The following GJB7 variants were observed in gnomAD, a reference collection of about 807,000 sequenced individuals.
GJB7 encodes gap junction beta-7 protein.
For synonymous variants in GJB7, 87 were observed against 95.2 expected (o/e 0.91, Z 0.50); for missense variants, 253 against 256.8 (o/e 0.99, Z 0.10).
At chr6:87,328,596 G>T (rs1776902337) in intron 1 of GJB7, among the ~76,000 whole-genome samples, 3 of 152,280 alleles carry the variant, frequency 2.0e-5, no homozygotes, top group African/African-American at 7.2e-5. Context: ...ACTTGAGGAG[G>T]CAGTCTGCCT....
chr6:87,302,583 A>G (rs546192058), intron 2 of GJB7, among the ~76,000 whole-genome samples: 1 of 152,362 alleles, frequency 6.6e-6, no homozygotes, highest in African/African-American at 2.4e-5. Context: ...GGGAGAATGG[A>G]ACCAAGTTGG....
chr6:87,322,359 G>T (rs1257111274), intron 2 of GJB7: 1 of 152,250 alleles, frequency 6.6e-6, no homozygotes, highest in East Asian at 1.9e-4. Context: ...TTGAAGTTGG[G>T]AGGTGGAAAA....
chr6:87,310,652 TA>T (rs60702496), intron 2 of GJB7, among the ~76,000 whole-genome samples: 3,397 of 149,942 alleles, frequency 0.023, 123 homozygotes, highest in African/African-American at 0.078. Context: ...CATATTGAAA[TA>T]AAAAAAAATA....
intron 2 of GJB7, among the ~76,000 whole-genome samples, chr6:87,288,624 A>C (rs1192972981): frequency 6.6e-6 from 1 of 152,202 alleles, no homozygotes; most frequent in Non-Finnish European, 1.5e-5. Flanking sequence ...TTTATGAAGC[A>C]CCATCCAAAG....
intron 2 of GJB7, among the ~76,000 whole-genome samples, chr6:87,296,487 G>A (rs1392456929): frequency 1.3e-5 from 2 of 152,170 alleles, no homozygotes; most frequent in Non-Finnish European, 2.9e-5. Context: ...TAGAGTGATT[G>A]GAATAGACTC....
At chr6:87,290,202 C>T (rs1331253998) in intron 2 of GJB7, among the ~76,000 whole-genome samples, 1 of 152,222 alleles carries the variant, frequency 6.6e-6, no homozygotes, top group Admixed American at 6.5e-5. Context: ...TCATCCAACA[C>T]TCCCAATAAG....
At chr6:87,308,471 T>C (rs892781365) in intron 2 of GJB7, among the ~76,000 whole-genome samples, 6 of 152,154 alleles carry the variant, frequency 3.9e-5, no homozygotes, top group African/African-American at 1.4e-4. Context: ...AAAAGATTTA[T>C]TAATCTGGAA....
chr6:87,325,443 C>G (rs1171395503), intron 1 of GJB7, among the ~76,000 whole-genome samples: 1 of 146,606 alleles, frequency 6.8e-6, no homozygotes, highest in Non-Finnish European at 1.5e-5. Context: ...TACGTCCCAT[C>G]AATACCTAAT....
chr6:87,304,350 C>T (rs536584312), intron 2 of GJB7, among the ~76,000 whole-genome samples: 6 of 152,228 alleles, frequency 3.9e-5, no homozygotes, highest in African/African-American at 1.4e-4. Context: ...GATATCACCA[C>T]CGATCCCACA....
At chr6:87,314,593 T>A (rs1234404251) in intron 2 of GJB7, among the ~76,000 whole-genome samples, 1 of 152,194 alleles carries the variant, frequency 6.6e-6, no homozygotes, top group East Asian at 1.9e-4. Flanking sequence ...AGTTCCACTC[T>A]CTTCCACTTA....
intron 2 of GJB7, among the ~76,000 whole-genome samples, chr6:87,303,080 T>C (rs916102439): frequency 6.6e-6 from 1 of 151,950 alleles, no homozygotes; most frequent in Non-Finnish European, 1.5e-5. Flanking sequence ...ACATGCCAAA[T>C]TGTAAAGACC....
At position 87,302,926 on chromosome 6, in the gene GJB7, C is replaced by T. The variant is rs138933754; in HGVS notation, c.-27-17987G>A. On this transcript the variant is annotated intron_variant, in intron 2 of 2. Coordinates refer to ENST00000525899, the MANE Select transcript of GJB7 (RefSeq NM_198568.3). Reference sequence around the variant, plus strand: ...ACCCAGAATTTCGTGTCCAGCCAAACTAAGCTTCATAAGTGAAGGAGAAAT... The same window carrying T: ...ACCCAGAATTTCGTGTCCAGCCAAATTAAGCTTCATAAGTGAAGGAGAAAT... Among the ~76,000 whole-genome samples, 24 of 152,302 alleles carry T rather than the reference C, an allele frequency of 1.6e-4. No individual in the cohort carries two copies. In the East Asian group the frequency reaches 3.5e-3, roughly 22 times the overall value.
intron 2 of GJB7, among the ~76,000 whole-genome samples, chr6:87,321,656 T>G (rs572771098): frequency 2.0e-5 from 3 of 152,162 alleles, no homozygotes; most frequent in Non-Finnish European, 2.9e-5. Context: ...ATTTTATTTT[T>G]GGTTTTTGTA....
intron 2 of GJB7, among the ~76,000 whole-genome samples, chr6:87,314,500 T>C (rs1358607937): frequency 6.6e-6 from 1 of 152,230 alleles, no homozygotes; most frequent in Non-Finnish European, 1.5e-5. Context: ...TTGAGACAAG[T>C]TGTTTCTGTA....
chr6:87,298,469 A>C (rs1056425898), intron 2 of GJB7, among the ~76,000 whole-genome samples: 1 of 152,254 alleles, frequency 6.6e-6, no homozygotes, highest in Non-Finnish European at 1.5e-5. Context: ...GTCCTGGTAC[A>C]TACCCCAGAA....
intron 1 of GJB7, among the ~76,000 whole-genome samples, chr6:87,327,963 CTTTT>C (rs1480861391): frequency 6.6e-6 from 1 of 150,948 alleles, no homozygotes. Context: ...TCTTTTTATT[CTTTT>C]TTCTCTAAAC....
chr6:87,313,055 C>T (rs1191883924), intron 2 of GJB7, among the ~76,000 whole-genome samples: 1 of 152,204 alleles, frequency 6.6e-6, no homozygotes, highest in Admixed American at 6.5e-5. Flanking sequence ...TCAAGAAAAG[C>T]ACTTAGCTTG....
At chr6:87,290,784 C>T (rs955869612) in intron 2 of GJB7, among the ~76,000 whole-genome samples, 3 of 152,194 alleles carry the variant, frequency 2.0e-5, no homozygotes, top group Non-Finnish European at 4.4e-5. Context: ...TCGATGGCTG[C>T]TTTCATGCTA....
rs530331616 is a variant in GJB7, at chr6:87,325,985, T to C, written c.-205-2942A>G. On this transcript the variant is annotated intron_variant, in intron 1 of 2. Transcript: ENST00000525899. ...TTAAGAGATTCAACTTCTTCCTAGT[T>C]TAGTCTTGGGAGAGTGTATGTGTCG... Among the ~76,000 whole-genome samples, 5 of 152,362 alleles carry C rather than the reference T, an allele frequency of 3.3e-5. No individual in the cohort carries two copies. In the East Asian group the frequency reaches 9.6e-4, roughly 29 times the overall value.
Sources: gnomAD v4.1 joint callset for allele counts (sites outside exome capture counted in the v4.1 genomes callset) on GRCh38, gnomAD v4.1.1 for gene constraint, MANE v1.5 for transcripts, NCBI Gene and HGNC (gene_info 2026-07-23, HGNC 2026-07-21) for gene names.